MMP26: variants seen among roughly 807,000 people sequenced by gnomAD.
MMP26 encodes matrix metallopeptidase 26.
A neutral mutation model predicts 31.0 loss-of-function variants in MMP26; 33 were observed. The ratio of observed to expected loss-of-function variants is 1.06; its 90% CI spans 0.81 to 1.42. The LOEUF is 1.42. Ranked by LOEUF, MMP26 falls within the 40% of genes most tolerant of loss-of-function variation. The probability of loss-of-function intolerance (pLI) is 0.00; values close to 1 mark genes in which losing one functional copy is unlikely to be tolerated. For missense variants in MMP26, 347 were observed against 316.1 expected (o/e 1.10, Z -0.74); for synonymous variants, 122 against 114.9 (o/e 1.06, Z -0.40).
intron 2 of MMP26, chr11:4,924,087 CCAGCA>C (rs1564808189): frequency 1.9e-6 from 3 of 1,614,072 alleles, no homozygotes; most frequent in South Asian, 2.2e-5. Flanking sequence ...CAGAAAATGC[CCAGCA>C]CAGTGGGCAG....
intron 2 of MMP26, among the ~76,000 whole-genome samples, chr11:4,816,632 G>A (rs947838365): frequency 2.0e-5 from 3 of 147,720 alleles, no homozygotes; most frequent in African/African-American, 7.4e-5. Context: ...AAATTGATAT[G>A]ATTATGGGCA....
At chr11:4,741,625 A>C (rs974956939) in intron 1 of MMP26, among the ~76,000 whole-genome samples, 12 of 144,866 alleles carry the variant, frequency 8.3e-5, no homozygotes, top group Non-Finnish European at 1.8e-4. Flanking sequence ...AGGGAGGGGA[A>C]CAACACACAT....
chr11:4,849,466 C>A (rs1490696211), intron 2 of MMP26, among the ~76,000 whole-genome samples: 1 of 152,078 alleles, frequency 6.6e-6, no homozygotes, highest in Non-Finnish European at 1.5e-5. Flanking sequence ...TGTTTCTTTT[C>A]CTAGATTGTT....
chr11:4,988,000 T>C (rs1846930945), intron 2 of MMP26, 68 bp from the exon 3 acceptor site: 1 of 602,864 alleles, frequency 1.7e-6, no homozygotes, highest in South Asian at 1.9e-5. Context: ...AGGTGTGAAC[T>C]GAGCTTAAAA....
chr11:4,879,625 AAT>A lies in MMP26; in HGVS notation c.-144-108441_-144-108440del, dbSNP rs564703448. 2.0e-5 allele frequency among the ~76,000 whole-genome samples: 3 copies of A among 152,316 alleles called. No individual in the cohort carries two copies. In the South Asian group the frequency reaches 6.2e-4, roughly 32 times the overall value. On this transcript the variant is annotated intron_variant, in intron 2 of 7. Coordinates refer to ENST00000380390, the MANE Select transcript of MMP26 (RefSeq NM_021801.5). ...TTTCCTCAGCTGTGAAATAATAGGT[AAT>A]AATACTTAACTCATAAGGTTGATTA... is the stretch of plus-strand genomic sequence containing the variant.
rs1007897120 is a variant in MMP26, at chr11:4,704,897, C to T, written c.-365C>T. On this transcript the variant is annotated 5_prime_UTR_variant, in exon 1 of 8. Transcript: ENST00000380390. ...TTCCGCAGCTATAGTAGTACAGAAC[C>T]TTTCTGCAAGTAAGTTAGTGAGGTT... 6.6e-6 allele frequency: 1 copy of T among 152,158 alleles called. No individual in the cohort carries two copies. The highest frequency in any genetic ancestry group is 1.5e-5 in the Non-Finnish European group (1 of 68,038). 9.4% of individuals were successfully genotyped at this position (152,158 alleles called of 1,614,324 possible).
intron 2 of MMP26, among the ~76,000 whole-genome samples, chr11:4,900,575 G>A (rs1288062283): frequency 1.3e-5 from 2 of 152,120 alleles, no homozygotes; most frequent in Admixed American, 1.3e-4. Flanking sequence ...CCACCACTGA[G>A]GTTGCTTATA....
Position 4,748,403 on chromosome 11 carries a change from C to CA in MMP26, c.-216-18861dup, listed in dbSNP as rs537387714. Reference sequence around the variant, plus strand: ...GGTACCAATCCAACTAAAACTGTTCCAAAAAATCAAGGAGGGGGGAATTAC... The same window carrying CA: ...GGTACCAATCCAACTAAAACTGTTCCAAAAAAATCAAGGAGGGGGGAATTAC... On this transcript the variant is annotated intron_variant, in intron 1 of 7. Coordinates refer to ENST00000380390, the MANE Select transcript of MMP26 (RefSeq NM_021801.5). Among the ~76,000 whole-genome samples the CA allele has an allele frequency of 1.8e-3, 273 of 151,854 alleles. 1 individual carries two copies. The highest frequency in any genetic ancestry group is 6.8e-3 in the Middle Eastern group (2 of 294).
intron 2 of MMP26, among the ~76,000 whole-genome samples, chr11:4,818,593 A>G (rs1336633102): frequency 6.6e-6 from 1 of 152,060 alleles, no homozygotes; most frequent in African/African-American, 2.4e-5. Context: ...TATTTATTTA[A>G]TTATAATCCC....
At chr11:4,818,572 G>T (rs1335925946) in intron 2 of MMP26, among the ~76,000 whole-genome samples, 5 of 151,518 alleles carry the variant, frequency 3.3e-5, no homozygotes, top group African/African-American at 1.2e-4. Flanking sequence ...TTTGTTAATT[G>T]CTTCTTTCGA....
intron 1 of MMP26, among the ~76,000 whole-genome samples, chr11:4,708,281 G>T (rs534423016): frequency 6.6e-5 from 10 of 152,182 alleles, no homozygotes; most frequent in Middle Eastern, 3.4e-3. Flanking sequence ...ATCTTTCTTT[G>T]CGTGTGTGTG....
In MMP26 at chr11:4,857,052, C is replaced by A. The variant is rs1850064257; in HGVS notation, c.-145+89711C>A. On this transcript the variant is annotated intron_variant, in intron 2 of 7. Transcript: ENST00000380390. ...GAACAAAGACACAACATACCAGAAT[C>A]TCTGGGACACATTTAAAGCAGTGTG... Among the ~76,000 whole-genome samples, 4 of 152,252 alleles carry A rather than the reference C, an allele frequency of 2.6e-5. No individual in the cohort carries two copies. In the South Asian group the frequency reaches 8.3e-4, roughly 32 times the overall value.
intron 1 of MMP26, among the ~76,000 whole-genome samples, chr11:4,744,256 C>G (rs1427316704): frequency 1.3e-5 from 2 of 152,086 alleles, no homozygotes; most frequent in African/African-American, 4.8e-5. Flanking sequence ...AATGAAGGTT[C>G]AGCACATTAG....
intron 1 of MMP26, chr11:4,723,079 T>C: frequency 7.6e-7 from 1 of 1,323,354 alleles, no homozygotes; most frequent in South Asian, 1.2e-5. Context: ...CATGCAGCTG[T>C]CACGGCATGT....
At chr11:4,938,554 A>G (rs1051408449) in intron 2 of MMP26, among the ~76,000 whole-genome samples, 4 of 152,142 alleles carry the variant, frequency 2.6e-5, no homozygotes, top group South Asian at 4.1e-4. Context: ...AACTTGTTAA[A>G]TTATCAAACA....
At chr11:4,731,505 C>G (rs1192790921) in intron 1 of MMP26, among the ~76,000 whole-genome samples, 1 of 152,210 alleles carries the variant, frequency 6.6e-6, no homozygotes, top group African/African-American at 2.4e-5. Context: ...TGGCACTGAT[C>G]TGTCTGTACC....
chr11:4,906,045 C>A (rs991444104), intron 2 of MMP26, among the ~76,000 whole-genome samples: 5 of 152,024 alleles, frequency 3.3e-5, no homozygotes, highest in African/African-American at 1.2e-4. Context: ...ATAATCCAAT[C>A]AAGATGGATA....
intron 2 of MMP26, among the ~76,000 whole-genome samples, chr11:4,986,932 C>CCCTCTCTCTCTCT (rs1846903256): frequency 9.9e-5 from 6 of 60,446 alleles, no homozygotes; most frequent in South Asian, 6.8e-4. Context: ...TCTCTCTCTC[C>CCCTCTCTCTCTCT]CTCTCTCTCT....
chr11:4,901,058 C>A (rs550975318), intron 2 of MMP26, among the ~76,000 whole-genome samples: 4 of 152,082 alleles, frequency 2.6e-5, no homozygotes, highest in African/African-American at 9.6e-5. Flanking sequence ...AAGGGATCAT[C>A]CACGTAGCTA....
Sources: allele counts gnomAD v4.1 joint callset (sites outside exome capture counted in the v4.1 genomes callset), GRCh38; gene constraint gnomAD v4.1.1; transcripts MANE v1.5; gene names NCBI Gene and HGNC (gene_info 2026-07-23, HGNC 2026-07-21).